VWDE: variants seen among roughly 807,000 people sequenced by gnomAD.
The protein encoded by VWDE is von Willebrand factor D and EGF domain-containing protein.
In VWDE, 207 loss-of-function variants were observed where a neutral mutation model predicts 178.4. The observed-to-expected ratio is 1.16, with a 90% CI of 1.04 to 1.30. The LOEUF is 1.30. VWDE is among the 50% of genes most tolerant of loss of function. The pLI is 0.00. For missense variants in VWDE, 2,287 were observed against 1,901.3 expected, an observed-to-expected ratio of 1.20 and a Z score of -3.77; for synonymous variants, 738 against 651.4, an observed-to-expected ratio of 1.13 and a Z score of -2.02.
chr7:12,397,097 G>C (rs185045944), intron 1 of VWDE, among the ~76,000 whole-genome samples: 1 of 151,256 alleles, frequency 6.6e-6, no homozygotes, highest in East Asian at 1.9e-4. Flanking sequence ...AGCCAAAAAA[G>C]TGTCCCAATA....
At chr7:12,333,606 C>A in intron 27 of VWDE, 38 bp from the exon 28 acceptor site, 1 of 1,380,392 alleles carries the variant, frequency 7.2e-7, no homozygotes, top group Non-Finnish European at 1.0e-6. Context: ...CATCCTTTGA[C>A]ATGAAATGCT....
chr7:12,340,736 A>G (rs1781284138), intron 23 of VWDE, among the ~76,000 whole-genome samples: 1 of 152,218 alleles, frequency 6.6e-6, no homozygotes, highest in Non-Finnish European at 1.5e-5. Context: ...TATGATTAGA[A>G]TTCAGAATGC....
chr7:12,352,751 C>T (rs2128550483), intron 18 of VWDE, among the ~76,000 whole-genome samples: 1 of 152,258 alleles, frequency 6.6e-6, no homozygotes, highest in South Asian at 2.1e-4. Context: ...GATGCTGCTG[C>T]TTCCTTAGTA....
At chr7:12,372,857 A>G in intron 10 of VWDE, 120 bp downstream of exon 10, 2 of 942,718 alleles carry the variant, frequency 2.1e-6, no homozygotes, top group Admixed American at 2.8e-5. Flanking sequence ...GATGGTTAAT[A>G]TAAATGCTAT....
chr7:12,372,951 T>C, intron 10 of VWDE, 26 bp downstream of exon 10: 1 of 1,536,478 alleles, frequency 6.5e-7, no homozygotes, highest in African/African-American at 1.4e-5. Context: ...GGAAAAATAC[T>C]TTCAATGTTA....
chr7:12,358,102 C>G (rs1782362763), intron 16 of VWDE, among the ~76,000 whole-genome samples: 1 of 152,118 alleles, frequency 6.6e-6, no homozygotes, highest in African/African-American at 2.4e-5. Flanking sequence ...TCAGGATGGG[C>G]ATGGTGGCTC....
At chr7:12,379,434 TC>T in intron 6 of VWDE, 42 bp downstream of exon 6, 1 of 1,403,698 alleles carries the variant, frequency 7.1e-7, no homozygotes, top group Non-Finnish European at 9.8e-7. Flanking sequence ...GAAACATAGT[TC>T]CAGAGGAATA....
intron 2 of VWDE, 111 bp downstream of exon 2, chr7:12,393,483 A>G: frequency 1.0e-6 from 1 of 967,598 alleles, no homozygotes; most frequent in East Asian, 2.7e-5. Flanking sequence ...ACTCAATACA[A>G]AATTAAAACA....
intron 13 of VWDE, among the ~76,000 whole-genome samples, chr7:12,363,872 T>A (rs776887350): frequency 6.6e-6 from 1 of 152,060 alleles, no homozygotes; most frequent in African/African-American, 2.4e-5. Flanking sequence ...AGTTGTATTA[T>A]AAATAAAACA....
At chr7:12,343,532 A>G (rs1440031) in intron 21 of VWDE, among the ~76,000 whole-genome samples, 101,747 of 152,002 alleles carry the variant, frequency 0.67, 35,540 homozygotes, top group African/African-American at 0.89. Context: ...GAATGTTTCT[A>G]TTAGTTCACC....
chr7:12,393,843 A>G (rs904586816), intron 1 of VWDE, 65 bp from the exon 2 acceptor site: 3 of 1,333,372 alleles, frequency 2.2e-6, no homozygotes, highest in African/African-American at 3.0e-5. Flanking sequence ...TCGGTCCTCA[A>G]TTAAAATTGA....
At chr7:12,346,379 G>C (rs57811574) in intron 19 of VWDE, among the ~76,000 whole-genome samples, 2,909 of 152,138 alleles carry the variant, frequency 0.019, 91 homozygotes, top group African/African-American at 0.066. Flanking sequence ...TACTACAAGA[G>C]TGATAAATAT....
chr7:12,379,141 T>A (rs1175495672), intron 6 of VWDE, among the ~76,000 whole-genome samples: 1 of 152,218 alleles, frequency 6.6e-6, no homozygotes, highest in African/African-American at 2.4e-5. Flanking sequence ...CTACTTGGCC[T>A]GGTATCTGTC....
intron 1 of VWDE, 51 bp from the exon 2 acceptor site, chr7:12,393,829 T>C (rs1583354392): frequency 7.0e-7 from 1 of 1,436,326 alleles, no homozygotes; most frequent in Non-Finnish European, 9.3e-7. Flanking sequence ...TTTGTTGACA[T>C]AGTTCGGTCC....
At chr7:12,376,048 A>G (rs1188069315) in intron 7 of VWDE, among the ~76,000 whole-genome samples, 1 of 152,130 alleles carries the variant, frequency 6.6e-6, no homozygotes, top group East Asian at 1.9e-4. Flanking sequence ...TCTTCCATAC[A>G]GATTTTTTAG....
chr7:12,387,157 T>C (rs1784141531), intron 3 of VWDE, among the ~76,000 whole-genome samples: 1 of 152,156 alleles, frequency 6.6e-6, no homozygotes, highest in Non-Finnish European at 1.5e-5. Flanking sequence ...TGAAATAAAA[T>C]TATATGTTGA....
At chr7:12,386,976 C>T (rs1388777181) in intron 3 of VWDE, among the ~76,000 whole-genome samples, 1 of 151,838 alleles carries the variant, frequency 6.6e-6, no homozygotes, top group African/African-American at 2.4e-5. Context: ...CCAATAAATA[C>T]CTATTTGAAT....
At chr7:12,348,954 T>C (rs1172974429) in intron 19 of VWDE, among the ~76,000 whole-genome samples, 1 of 152,012 alleles carries the variant, frequency 6.6e-6, no homozygotes, top group Non-Finnish European at 1.5e-5. Flanking sequence ...GAAATCATCA[T>C]TCTCAGTAAA....
chr7:12,343,104 C>G lies in VWDE; in HGVS notation c.4153G>C (p.Val1385Leu). 5.8e-6 allele frequency: 9 copies of G among 1,549,640 alleles called. No homozygotes were observed. Among genetic ancestry groups the G allele is most frequent in the Non-Finnish European group, 7.9e-6 (9 of 1,145,622 alleles). ...GNLCTCPYGF[V>L]GPRCETMVCN... Reference sequence around the variant, plus strand: ...TTACTTGTTTCACACCTTGGTCCTACAAAACCATAAGGACAAGTGCAGAGA... The same window carrying G: ...TTACTTGTTTCACACCTTGGTCCTAGAAAACCATAAGGACAAGTGCAGAGA... Residue 1385 changes from valine to leucine, a missense_variant, in exon 22 of 29, where the codon GTA becomes CTA. By Grantham distance (32) the Val-to-Leu change is conservative. Transcript: ENST00000275358.
Sources: allele counts gnomAD v4.1 joint callset (sites outside exome capture counted in the v4.1 genomes callset), GRCh38; gene constraint gnomAD v4.1.1; transcripts MANE v1.5; gene names NCBI Gene and HGNC (gene_info 2026-07-23, HGNC 2026-07-21).